Variants in PCDH15 observed in about 807,000 individuals in gnomAD.
PCDH15 encodes protocadherin related 15, also known as protocadherin-15.
A neutral mutation model predicts 178.5 loss-of-function variants in PCDH15; 129 were observed. The observed-to-expected ratio is 0.72, with a 90% CI of 0.63 to 0.84. The LOEUF (loss-of-function observed/expected upper bound fraction) is 0.84, where lower values mean the gene tolerates loss of function less well. Ranked by LOEUF, PCDH15 falls within the 40% of genes least tolerant of loss-of-function variation. PCDH15 has a pLI of 0.00. For missense variants in PCDH15, 2,230 were observed against 2,099.9 expected (o/e 1.06, Z -1.21); for synonymous variants, 800 against 732.0 (o/e 1.09, Z -1.50).
chr10:54,215,689 G>C (rs1184704663), intron 9 of PCDH15, among the ~76,000 whole-genome samples: 1 of 152,168 alleles, frequency 6.6e-6, no homozygotes, highest in Non-Finnish European at 1.5e-5. Context: ...AAAATTGCAT[G>C]GTGAGACACA....
intron 32 of PCDH15, chr10:53,823,389 G>GGAAAC: frequency 6.3e-7 from 1 of 1,592,436 alleles, no homozygotes; most frequent in Non-Finnish European, 8.6e-7. Context: ...TGAAATGTAA[G>GGAAAC]GAAACAAGTT....
In PCDH15 at chr10:55,341,765, A is replaced by G. The variant is rs868132697; in HGVS notation, c.-155-175114T>C. ...TTTTTGTATATACATACATATGCAT[A>G]TATATATATATATATATATATATAT... is the stretch of plus-strand genomic sequence containing the variant. On this transcript the variant is annotated intron_variant, in intron 2 of 5. Transcript: ENST00000613346. 6.5e-3 allele frequency among the ~76,000 whole-genome samples: 94 copies of G among 14,470 alleles called. 1 individual carries two copies. The highest frequency in any genetic ancestry group is 0.019 in the African/African-American group (84 of 4,376). 9.5% of individuals were successfully genotyped at this position (14,470 alleles called of 152,430 possible). A position where few individuals can be genotyped will look rare whatever the true frequency, so the allele number is the denominator to read the frequency against.
intron 21 of PCDH15, among the ~76,000 whole-genome samples, chr10:53,968,135 A>T (rs997634942): frequency 6.6e-6 from 1 of 152,132 alleles, no homozygotes; most frequent in African/African-American, 2.4e-5. Flanking sequence ...TACCTGGAAA[A>T]TTGGTACACT....
chr10:55,171,739 A>G (rs1839336865), intron 1 of PCDH15, among the ~76,000 whole-genome samples: 1 of 152,104 alleles, frequency 6.6e-6, no homozygotes, highest in African/African-American at 2.4e-5. Context: ...TTATGTCAGA[A>G]GTTGATACTG....
At chr10:55,064,273 T>A (rs1199096738) in intron 2 of PCDH15, among the ~76,000 whole-genome samples, 1 of 152,146 alleles carries the variant, frequency 6.6e-6, no homozygotes, top group Non-Finnish European at 1.5e-5. Flanking sequence ...CTGCTACTTG[T>A]GTAAATGACT....
intron 2 of PCDH15, among the ~76,000 whole-genome samples, chr10:54,589,693 C>T (rs939426876): frequency 4.6e-5 from 7 of 152,144 alleles, no homozygotes; most frequent in East Asian, 1.9e-4. Context: ...GTCTTGCTCC[C>T]GGGTTCACAC....
chr10:55,310,702 T>C (rs1843564264), intron 1 of PCDH15, among the ~76,000 whole-genome samples: 1 of 152,162 alleles, frequency 6.6e-6, no homozygotes, highest in Non-Finnish European at 1.5e-5. Flanking sequence ...TAAAAAAGAA[T>C]GAGTTCATCA....
chr10:55,338,879 C>T (rs188423188), intron 2 of PCDH15, among the ~76,000 whole-genome samples: 46 of 151,888 alleles, frequency 3.0e-4, no homozygotes, highest in African/African-American at 1.1e-3. Flanking sequence ...AGCCAGGCAC[C>T]GTAAAACAAA....
chr10:55,606,318 T>C (rs1296893133), intron 2 of PCDH15, among the ~76,000 whole-genome samples: 12 of 125,968 alleles, frequency 9.5e-5, no homozygotes, highest in African/African-American at 3.8e-4. Flanking sequence ...ATGGCCATAC[T>C]GCCCAAGGTA....
At chr10:55,508,974 A>C (rs72788824) in intron 2 of PCDH15, among the ~76,000 whole-genome samples, 44,451 of 151,650 alleles carry the variant, frequency 0.29, 6,850 homozygotes, top group East Asian at 0.47. Context: ...CAAAACAAAA[A>C]AAAATATTTT....
At chr10:55,208,937 A>G (rs1840482849) in intron 1 of PCDH15, among the ~76,000 whole-genome samples, 1 of 152,110 alleles carries the variant, frequency 6.6e-6, no homozygotes. Flanking sequence ...GAAATAATGA[A>G]CTAAATTAAA....
intron 5 of PCDH15, among the ~76,000 whole-genome samples, chr10:54,353,894 CAG>C (rs373264354): frequency 6.6e-6 from 1 of 152,196 alleles, no homozygotes; most frequent in African/African-American, 2.4e-5. Flanking sequence ...ATTACTGTTA[CAG>C]AGAATGATAA....
At chr10:53,918,722 ACACACACACACACACACACACACAC>A (rs2083743983) in intron 25 of PCDH15, among the ~76,000 whole-genome samples, 1 of 8,200 alleles carries the variant, frequency 1.2e-4, no homozygotes, top group Non-Finnish European at 1.7e-4. Context: ...AAACACACAC[ACACACACACACACACACACACACAC>A]ACACACACAC....
intron 2 of PCDH15, among the ~76,000 whole-genome samples, chr10:55,166,202 C>T (rs1839192048): frequency 1.3e-5 from 2 of 152,168 alleles, no homozygotes; most frequent in Non-Finnish European, 2.9e-5. Flanking sequence ...GGCCCTTTGA[C>T]ACACAATGAT....
intron 15 of PCDH15, among the ~76,000 whole-genome samples, chr10:54,099,444 A>G (rs1370926389): frequency 1.4e-5 from 2 of 146,384 alleles, no homozygotes; most frequent in Non-Finnish European, 3.0e-5. Context: ...GCTTGCAGTG[A>G]GCCAAGATCA....
intron 3 of PCDH15, among the ~76,000 whole-genome samples, chr10:54,864,051 A>G (rs1319383150): frequency 6.6e-6 from 1 of 152,150 alleles, no homozygotes; most frequent in African/African-American, 2.4e-5. Context: ...TTTTCAAAGG[A>G]GTTGGTAGCT....
intron 3 of PCDH15, among the ~76,000 whole-genome samples, chr10:54,849,240 A>T (rs958897346): frequency 7.9e-5 from 12 of 152,106 alleles, no homozygotes; most frequent in African/African-American, 2.9e-4. Flanking sequence ...TGTCTTTAGC[A>T]TGCTGTTAAA....
chr10:54,459,248 C>T (rs2077020936), intron 3 of PCDH15, among the ~76,000 whole-genome samples: 1 of 151,990 alleles, frequency 6.6e-6, no homozygotes, highest in Non-Finnish European at 1.5e-5. Flanking sequence ...GCGACAGGAA[C>T]AAGAAGGCGA....
intron 3 of PCDH15, among the ~76,000 whole-genome samples, chr10:54,522,155 T>C (rs559898129): frequency 1.4e-4 from 21 of 151,516 alleles, no homozygotes; most frequent in African/African-American, 3.9e-4. Flanking sequence ...TACACACAGT[T>C]GTGAATTTGA....
Sources: allele counts gnomAD v4.1 joint callset (sites outside exome capture counted in the v4.1 genomes callset), GRCh38; gene constraint gnomAD v4.1.1; transcripts MANE v1.5; gene names NCBI Gene and HGNC (gene_info 2026-07-23, HGNC 2026-07-21).